SEMA4B: variants seen among roughly 807,000 people sequenced by gnomAD.
The protein encoded by SEMA4B is semaphorin-4B.
A neutral mutation model predicts 88.1 loss-of-function variants in SEMA4B; 55 were observed. The ratio of observed to expected loss-of-function variants is 0.62; its 90% CI spans 0.50 to 0.78. The LOEUF (loss-of-function observed/expected upper bound fraction) is 0.78. SEMA4B is among the 30% of genes least tolerant of loss of function. The probability of loss-of-function intolerance (pLI) is 0.00; values close to 1 mark genes in which losing one functional copy is unlikely to be tolerated. For missense variants in SEMA4B, 1,062 were observed against 1,111.9 expected (o/e 0.96, Z 0.64); for synonymous variants, 525 against 473.6 (o/e 1.11, Z -1.41).
rs374967643 is a variant in SEMA4B at position 90,227,575 on chromosome 15, C to T, written c.1707C>T (p.Ile569=). The change falls in exon 13 of 14, where the codon ATC becomes ATT. Residue 569 remains isoleucine (I), a synonymous_variant. Coordinates refer to ENST00000411539, the MANE Select transcript of SEMA4B (RefSeq NM_198925.4). The part of the protein sequence containing the change: ...QLATRPWIQD[I]EGASAKDLCS... Reference sequence around the variant, plus strand: ...CCCTCAGGCCGTGGATCCAGGACATCGAGGGAGCCAGCGCCAAGGACCTTT... The same window carrying T: ...CCCTCAGGCCGTGGATCCAGGACATTGAGGGAGCCAGCGCCAAGGACCTTT... The T allele has an allele frequency of 1.1e-5, 18 of 1,613,876 alleles. No homozygotes were observed. The highest frequency in any genetic ancestry group is 5.5e-5 in the South Asian group (5 of 91,088).
intron 1 of SEMA4B, among the ~76,000 whole-genome samples, chr15:90,195,927 T>TTTTTTTTTTTA (rs1241944619): frequency 1.0e-5 from 1 of 99,774 alleles, no homozygotes; most frequent in African/African-American, 5.6e-5. Context: ...TACTTCTCTT[T>TTTTTTTTTTTA]TTTTTTTTTT....
chr15:90,203,526 C>T (rs1037317769), intron 1 of SEMA4B, among the ~76,000 whole-genome samples: 4 of 152,186 alleles, frequency 2.6e-5, no homozygotes, highest in Admixed American at 1.3e-4. Flanking sequence ...GAAGGCAAAA[C>T]TGGAGAGCAG....
intron 1 of SEMA4B, chr15:90,217,186 T>G: frequency 2.7e-6 from 1 of 370,262 alleles, no homozygotes; most frequent in South Asian, 6.4e-5. Flanking sequence ...GGTTTTCAGT[T>G]TTTTATTAAT....
rs774926343 is a variant in SEMA4B at position 90,221,037 on chromosome 15, A to G, written c.539A>G (p.Asp180Gly). The G allele has an allele frequency of 1.2e-6, 2 of 1,611,630 alleles. No individual in the cohort carries two copies. The highest frequency in any genetic ancestry group is 1.1e-5 in the South Asian group (1 of 90,284). ...RDEKGNVLLE[D>G]GKGRCPFDPN... The stretch of plus-strand genomic sequence containing the variant: ...GAGAAGGGGAATGTCCTCCTGGAAG[A>G]TGGCAAGGGCCGTTGTCCCTTCGAC... The change falls in exon 5 of 14, where the codon GAT becomes GGT. Residue 180 changes from aspartate (D) to glycine (G), a missense_variant. Physicochemically the swap from Asp to Gly is moderately conservative, Grantham distance 94. Coordinates refer to ENST00000411539, the MANE Select transcript of SEMA4B (RefSeq NM_198925.4).
chr15:90,227,442 G>A (rs764921595), intron 12 of SEMA4B, 115 bp from the exon 13 acceptor site: 2 of 763,326 alleles, frequency 2.6e-6, no homozygotes, highest in African/African-American at 3.5e-5. Flanking sequence ...ACTCCTGTGG[G>A]TGGGGAATCA....
chr15:90,209,568 A>T (rs986824917), intron 1 of SEMA4B, among the ~76,000 whole-genome samples: 20 of 149,074 alleles, frequency 1.3e-4, no homozygotes, highest in Non-Finnish European at 2.2e-4. Flanking sequence ...AGACTGTCTT[A>T]AAAAAAAAAG....
rs1273191146 is a variant in SEMA4B, at chr15:90,229,344, G to A, written c.*701G>A. On this transcript the variant is annotated 3_prime_UTR_variant, in exon 14 of 14. Transcript: ENST00000411539. ...ACAGCGCGAGCTCAGGAGAGATTTC[G>A]TGACAATGTACGCCTTTCCCTCAGA... is the stretch of plus-strand genomic sequence containing the variant. The A allele has an allele frequency of 2.0e-5, 9 of 456,730 alleles. No homozygotes were observed. The highest frequency in any genetic ancestry group is 6.9e-5 in the East Asian group (1 of 14,402). 28.3% of individuals were successfully genotyped at this position (456,730 alleles called of 1,614,324 possible).
intron 1 of SEMA4B, among the ~76,000 whole-genome samples, chr15:90,209,526 T>C (rs1238243126): frequency 6.6e-6 from 1 of 151,886 alleles, no homozygotes; most frequent in Non-Finnish European, 1.5e-5. Context: ...GCCAAGATCA[T>C]GCCATTGCAC....
At chr15:90,199,593 A>G (rs775465906), upstream of SEMA4B, among the ~76,000 whole-genome samples, 39 of 152,000 alleles carry the variant, frequency 2.6e-4, no homozygotes, top group Non-Finnish European at 4.6e-4. Context: ...TTGGGAGGCC[A>G]AGGCAGGTGG....
At chr15:90,221,313 G>A in intron 5 of SEMA4B, 54 bp from the exon 6 acceptor site, 1 of 1,429,420 alleles carries the variant, frequency 7.0e-7, no homozygotes, top group East Asian at 2.5e-5. Context: ...GCCCTGAGCA[G>A]GGAGAAGGGG....
In SEMA4B at chr15:90,225,836, TC is replaced by T; in HGVS notation, c.1688+12del. The T allele has an allele frequency of 6.6e-7, 1 of 1,509,266 alleles. No individual in the cohort carries two copies. 93.5% of individuals were successfully genotyped at this position (1,509,266 alleles called of 1,614,324 possible). A position where few individuals can be genotyped will look rare whatever the true frequency, so the allele number is the denominator to read the frequency against. ...CCTCAGCTGGCCACCAGGTGAGCAC[TC>T]CCAAAGGCCCCTTCCCATCTGTCCA... On this transcript the variant is annotated intron_variant, in intron 12 of 13. Coordinates refer to ENST00000411539, the MANE Select transcript of SEMA4B (RefSeq NM_198925.4).
chr15:90,199,478 G>A (rs1451327854), upstream of SEMA4B, among the ~76,000 whole-genome samples: 1 of 152,088 alleles, frequency 6.6e-6, no homozygotes, highest in African/African-American at 2.4e-5. Flanking sequence ...GAGAGATCAG[G>A]AGCTTAGTTT....
chr15:90,201,768 G>C (rs1406958903), intron 1 of SEMA4B, 33 bp downstream of exon 1: 2 of 1,382,934 alleles, frequency 1.4e-6, no homozygotes, highest in African/African-American at 3.0e-5. Context: ...CGCGGGCCGG[G>C]GGAAGGAAGG....
chr15:90,221,470 C>T lies in SEMA4B; in HGVS notation c.699C>T (p.Asn233=), dbSNP rs61761864. The T allele has an allele frequency of 0.012, 18,633 of 1,595,832 alleles. 185 individuals are homozygous for T. The highest frequency in any genetic ancestry group is 0.018 in the South Asian group (1,562 of 88,650). The change falls in exon 6 of 14, where the codon AAC becomes AAT. Residue 233 remains asparagine, a synonymous_variant. Transcript: ENST00000411539. ...LRPTKTESSL[N]WLQDPAFVAS... is the part of the protein sequence containing the mutation. ...CCACCAAGACCGAGAGCTCCCTCAA[C>T]TGGCTGCAAGGTGAAGTCCTCTTGC...
chr15:90,223,261 T>C (rs140426694), intron 7 of SEMA4B, among the ~76,000 whole-genome samples: 63 of 152,290 alleles, frequency 4.1e-4, no homozygotes, highest in African/African-American at 1.5e-3. Context: ...CTTGTACTTA[T>C]ATTATTAACT....
chr15:90,205,103 C>T (rs987438564), intron 1 of SEMA4B, among the ~76,000 whole-genome samples: 6 of 152,188 alleles, frequency 3.9e-5, no homozygotes, highest in African/African-American at 1.4e-4. Flanking sequence ...TCCCTCCTGC[C>T]CCAGAAGTGC....
intron 1 of SEMA4B, chr15:90,206,534 G>GC (rs1960997575): frequency 2.4e-6 from 1 of 420,572 alleles, no homozygotes; most frequent in Non-Finnish European, 4.4e-6. Context: ...AGGCTCAGTT[G>GC]CGTTCAAGAT....
chr15:90,188,552 T>C (rs367710297), intron 1 of SEMA4B, among the ~76,000 whole-genome samples: 18 of 151,728 alleles, frequency 1.2e-4, no homozygotes, highest in East Asian at 9.8e-4. Context: ...TGCTGGAACC[T>C]GGGAGGCGGA....
chr15:90,194,973 T>TA (rs778922108), intron 1 of SEMA4B, among the ~76,000 whole-genome samples: 32 of 151,326 alleles, frequency 2.1e-4, no homozygotes, highest in Non-Finnish European at 3.8e-4. Flanking sequence ...TTATCATAGC[T>TA]AAAAAAATGA....
Sources: gnomAD v4.1 joint callset for allele counts (sites outside exome capture counted in the v4.1 genomes callset) on GRCh38, gnomAD v4.1.1 for gene constraint, MANE v1.5 for transcripts, NCBI Gene and HGNC (gene_info 2026-07-23, HGNC 2026-07-21) for gene names.